The following BRINP3 variants were observed in gnomAD, a reference collection of about 807,000 sequenced individuals.
BRINP3 encodes the protein BMP/retinoic acid-inducible neural-specific protein 3.
Under a neutral mutation model 71.0 loss-of-function variants are expected in BRINP3, and 19 were observed. The ratio of observed to expected loss-of-function variants is 0.27; its 90% CI spans 0.19 to 0.39. The LOEUF is 0.39. Ranked by LOEUF, BRINP3 falls within the 10% of genes least tolerant of loss-of-function variation. The probability of loss-of-function intolerance (pLI) is 1.00; values close to 1 mark genes in which losing one functional copy is unlikely to be tolerated. For synonymous variants in BRINP3, 380 were observed against 337.7 expected, an observed-to-expected ratio of 1.13 and a Z score of -1.37; for missense variants, 959 against 940.8, an observed-to-expected ratio of 1.02 and a Z score of -0.25.
intron 7 of BRINP3, among the ~76,000 whole-genome samples, chr1:190,136,255 C>A (rs1380156666): frequency 6.6e-6 from 1 of 151,876 alleles, no homozygotes; most frequent in Non-Finnish European, 1.5e-5. Flanking sequence ...ATAATTAATA[C>A]ATCCTTAGAG....
At chr1:190,191,350 C>T (rs1458169436) in intron 6 of BRINP3, among the ~76,000 whole-genome samples, 1 of 151,850 alleles carries the variant, frequency 6.6e-6, no homozygotes, top group Non-Finnish European at 1.5e-5. Context: ...CACAGGTATA[C>T]GTGTGCCATG....
At chr1:190,180,394 T>C (rs1026799171) in intron 6 of BRINP3, among the ~76,000 whole-genome samples, 1 of 152,144 alleles carries the variant, frequency 6.6e-6, no homozygotes, top group African/African-American at 2.4e-5. Flanking sequence ...AGCATGAAAC[T>C]GAGTGTGAGC....
At chr1:190,170,971 A>T (rs1396095040) in intron 6 of BRINP3, among the ~76,000 whole-genome samples, 1 of 152,026 alleles carries the variant, frequency 6.6e-6, no homozygotes, top group Non-Finnish European at 1.5e-5. Context: ...TGTTGAGTAA[A>T]TTTTTCCAAG....
At chr1:190,172,176 A>G (rs1363371682) in intron 6 of BRINP3, among the ~76,000 whole-genome samples, 1 of 148,584 alleles carries the variant, frequency 6.7e-6, no homozygotes, top group Non-Finnish European at 1.5e-5. Context: ...ATGAAAAATA[A>G]AAACAATGTG....
At chr1:190,129,758 T>C (rs887869209) in intron 7 of BRINP3, among the ~76,000 whole-genome samples, 1 of 151,978 alleles carries the variant, frequency 6.6e-6, no homozygotes, top group African/African-American at 2.4e-5. Flanking sequence ...CAATTCTATA[T>C]ACTGTAATGA....
chr1:190,346,956 A>T (rs1363337262), intron 2 of BRINP3, among the ~76,000 whole-genome samples: 2 of 152,068 alleles, frequency 1.3e-5, no homozygotes, highest in African/African-American at 2.4e-5. Context: ...GAAGCCTCTC[A>T]ATAAATATGA....
intron 1 of BRINP3, among the ~76,000 whole-genome samples, chr1:190,463,561 C>A (rs1485159017): frequency 6.6e-6 from 1 of 151,602 alleles, no homozygotes; most frequent in African/African-American, 2.4e-5. Context: ...TGAACATATT[C>A]AAACATAAAT....
intron 2 of BRINP3, among the ~76,000 whole-genome samples, chr1:190,315,360 T>C (rs991303971): frequency 6.6e-6 from 1 of 151,902 alleles, no homozygotes; most frequent in Non-Finnish European, 1.5e-5. Flanking sequence ...TTCGACCTAG[T>C]GGAATGGCCA....
intron 4 of BRINP3, among the ~76,000 whole-genome samples, chr1:190,246,937 T>C (rs1385398489): frequency 6.6e-6 from 1 of 151,968 alleles, no homozygotes. Context: ...ATCTCACACA[T>C]CTAAAAGAAT....
At chr1:190,199,462 AT>A (rs1424553824) in intron 6 of BRINP3, among the ~76,000 whole-genome samples, 1 of 152,088 alleles carries the variant, frequency 6.6e-6, no homozygotes, top group Non-Finnish European at 1.5e-5. Context: ...AGACCAGAAC[AT>A]TTTACCTCCA....
intron 2 of BRINP3, among the ~76,000 whole-genome samples, chr1:190,299,688 ATTG>A (rs1664529798): frequency 6.7e-6 from 1 of 148,972 alleles, no homozygotes; most frequent in African/African-American, 2.5e-5. Context: ...GCCACCGCAT[ATTG>A]TTGTTCCTTT....
chr1:190,473,304 A>G (rs768428929), intron 1 of BRINP3, among the ~76,000 whole-genome samples: 4 of 152,008 alleles, frequency 2.6e-5, no homozygotes, highest in Admixed American at 2.0e-4. Context: ...TCCAACTAAG[A>G]AAAGCACTAC....
intron 2 of BRINP3, among the ~76,000 whole-genome samples, chr1:190,428,127 A>G (rs1673845155): frequency 2.0e-5 from 3 of 152,034 alleles, no homozygotes; most frequent in South Asian, 2.1e-4. Context: ...AGGAAAAAAC[A>G]TAAGAATAGT....
chr1:190,207,608 A>C (rs765730073), intron 6 of BRINP3, among the ~76,000 whole-genome samples: 46 of 152,154 alleles, frequency 3.0e-4, no homozygotes, highest in Non-Finnish European at 1.2e-4. Context: ...TATAGGTGTC[A>C]CTAGAAGAGA....
intron 1 of BRINP3, among the ~76,000 whole-genome samples, chr1:190,455,233 T>G (rs960299272): frequency 6.6e-6 from 1 of 152,154 alleles, no homozygotes; most frequent in African/African-American, 2.4e-5. Context: ...AAGTTGAATG[T>G]TTTATAAAGT....
At chr1:190,366,768 C>T (rs1022123108) in intron 2 of BRINP3, among the ~76,000 whole-genome samples, 2 of 152,152 alleles carry the variant, frequency 1.3e-5, no homozygotes, top group Non-Finnish European at 2.9e-5. Context: ...AAAGGGGCTA[C>T]AGTCCCCATG....
chr1:190,406,072 A>C (rs1672260932), intron 2 of BRINP3, among the ~76,000 whole-genome samples: 1 of 152,220 alleles, frequency 6.6e-6, no homozygotes, highest in Admixed American at 6.5e-5. Context: ...GCATTTCTTC[A>C]GTCTAGCCAG....
chr1:190,447,569 C>G (rs2102593501), intron 2 of BRINP3, among the ~76,000 whole-genome samples: 1 of 147,650 alleles, frequency 6.8e-6, no homozygotes, highest in South Asian at 2.1e-4. Flanking sequence ...TGTACGTACA[C>G]ACACACGTTT....
intron 2 of BRINP3, among the ~76,000 whole-genome samples, chr1:190,388,095 T>C (rs1473619963): frequency 1.3e-5 from 2 of 151,954 alleles, no homozygotes; most frequent in South Asian, 2.1e-4. Flanking sequence ...TCATCATATA[T>C]GTGCGAGTAG....
Sources: allele counts gnomAD v4.1 joint callset (sites outside exome capture counted in the v4.1 genomes callset), GRCh38; gene constraint gnomAD v4.1.1; transcripts MANE v1.5; gene names NCBI Gene and HGNC (gene_info 2026-07-23, HGNC 2026-07-21).